Variants in BNC2 observed in about 807,000 individuals in gnomAD.
BNC2 encodes the protein basonuclin zinc finger protein 2.
BNC2 carries 20 observed loss-of-function variants against 76.3 expected under a neutral mutation model. The observed-to-expected ratio is 0.26, with a 90% CI of 0.18 to 0.38. The LOEUF (loss-of-function observed/expected upper bound fraction) is 0.38, where lower values mean the gene tolerates loss of function less well. Among genes scored for constraint, BNC2 ranks in the 10% least tolerant of loss-of-function variants. BNC2 has a pLI of 1.00. For synonymous variants in BNC2, 582 were observed against 514.8 expected (o/e 1.13, Z -1.77); for missense variants, 1,382 against 1,399.8 (o/e 0.99, Z 0.20).
chr9:16,804,617 C>G (rs1463091422), intron 1 of BNC2, among the ~76,000 whole-genome samples: 1 of 152,200 alleles, frequency 6.6e-6, no homozygotes, highest in Non-Finnish European at 1.5e-5. Flanking sequence ...CTCTCCAATT[C>G]CTTAAAAACC....
intron 3 of BNC2, among the ~76,000 whole-genome samples, chr9:16,651,236 T>C (rs1821785839): frequency 6.6e-6 from 1 of 152,236 alleles, no homozygotes; most frequent in East Asian, 1.9e-4. Flanking sequence ...CAGGTAGATA[T>C]TACATCATGT....
chr9:16,434,823 C>A, intron 6 of BNC2: 1 of 456,394 alleles, frequency 2.2e-6, no homozygotes, highest in South Asian at 1.5e-5. Context: ...GCATGCCTCC[C>A]CTTCTGTGCA....
At chr9:16,771,953 T>C (rs1317017310) in intron 1 of BNC2, among the ~76,000 whole-genome samples, 2 of 152,324 alleles carry the variant, frequency 1.3e-5, no homozygotes, top group East Asian at 1.9e-4. Context: ...GCAGGGACTA[T>C]AAATGGAAAA....
At chr9:16,624,395 A>G (rs1820937798) in intron 3 of BNC2, among the ~76,000 whole-genome samples, 1 of 147,494 alleles carries the variant, frequency 6.8e-6, no homozygotes, top group East Asian at 1.9e-4. Context: ...AATATCTGCA[A>G]TTTTAAAGGG....
intron 6 of BNC2, among the ~76,000 whole-genome samples, chr9:16,430,281 T>A (rs973396717): frequency 2.0e-5 from 3 of 152,242 alleles, no homozygotes; most frequent in African/African-American, 7.2e-5. Context: ...AATGGAGACT[T>A]GTAGTTTGAT....
intron 5 of BNC2, among the ~76,000 whole-genome samples, chr9:16,486,930 G>C (rs1028688891): frequency 3.9e-5 from 6 of 152,096 alleles, no homozygotes; most frequent in African/African-American, 1.4e-4. Flanking sequence ...TGCCCAGGCT[G>C]GTCTCTCGGA....
At chr9:16,796,528 C>T (rs929841540) in intron 1 of BNC2, among the ~76,000 whole-genome samples, 7 of 144,234 alleles carry the variant, frequency 4.9e-5, no homozygotes, top group East Asian at 4.1e-4. Context: ...GCCGAGATCA[C>T]GTCAATGCAC....
intron 5 of BNC2, among the ~76,000 whole-genome samples, chr9:16,543,681 T>C (rs888313175): frequency 6.6e-6 from 1 of 152,220 alleles, no homozygotes; most frequent in Non-Finnish European, 1.5e-5. Context: ...TGTCCTTGGA[T>C]CTAAGGTGTT....
intron 1 of BNC2, among the ~76,000 whole-genome samples, chr9:16,797,492 A>G (rs1325487874): frequency 6.6e-6 from 1 of 152,154 alleles, no homozygotes; most frequent in Non-Finnish European, 1.5e-5. Flanking sequence ...AGCACAACAC[A>G]CTAGGAAGTT....
At chr9:16,793,924 G>C (rs541578421) in intron 1 of BNC2, among the ~76,000 whole-genome samples, 2 of 137,726 alleles carry the variant, frequency 1.5e-5, no homozygotes, top group African/African-American at 5.4e-5. Context: ...GGATGGTCTC[G>C]ATCTCCTGAC....
chr9:16,803,779 T>A (rs1286769818), intron 1 of BNC2, among the ~76,000 whole-genome samples: 1 of 152,208 alleles, frequency 6.6e-6, no homozygotes, highest in Non-Finnish European at 1.5e-5. Context: ...TTTTCTCCAG[T>A]TTGCCCTGGC....
chr9:16,527,136 C>G (rs1336742498), intron 5 of BNC2, among the ~76,000 whole-genome samples: 1 of 152,190 alleles, frequency 6.6e-6, no homozygotes, highest in African/African-American at 2.4e-5. Flanking sequence ...AGGACAAGGA[C>G]TGGGGGGCAG....
chr9:16,416,738 G>A lies in BNC2; in HGVS notation c.*2251C>T, dbSNP rs1820591901. 6.6e-6 allele frequency: 1 copy of A among 152,544 alleles called. No homozygotes were observed. The highest frequency in any genetic ancestry group is 1.5e-5 in the Non-Finnish European group (1 of 68,010). The allele number at this position is 152,544 out of a possible 1,614,324, so 9.4% of individuals were successfully genotyped here. ...CCTCTGAAGGAGGTGAAAAGATAAA[G>A]CTCCTAGACATAGCTAGCTTATCTT... On this transcript the variant is annotated 3_prime_UTR_variant, in exon 7 of 7. Coordinates refer to ENST00000380672, the MANE Select transcript of BNC2 (RefSeq NM_017637.6).
chr9:16,828,282 A>C (rs1308956609), intron 1 of BNC2, among the ~76,000 whole-genome samples: 1 of 152,244 alleles, frequency 6.6e-6, no homozygotes, highest in African/African-American at 2.4e-5. Context: ...AGAAATACTG[A>C]TTATATTTTA....
At chr9:16,752,930 G>A (rs1390598353) in intron 1 of BNC2, among the ~76,000 whole-genome samples, 1 of 152,138 alleles carries the variant, frequency 6.6e-6, no homozygotes, top group Non-Finnish European at 1.5e-5. Context: ...TTATGATTCT[G>A]GATGCACAGT....
At chr9:16,419,994 G>C (rs148504108) in intron 6 of BNC2, among the ~76,000 whole-genome samples, 1,541 of 152,230 alleles carry the variant, frequency 0.01, 23 homozygotes, top group African/African-American at 0.035. Context: ...TTTCATGGCA[G>C]AGATTTTAGA....
intron 1 of BNC2, among the ~76,000 whole-genome samples, chr9:16,811,599 C>A (rs1473114890): frequency 6.7e-6 from 1 of 149,506 alleles, no homozygotes; most frequent in African/African-American, 2.5e-5. Context: ...AAATCAAACC[C>A]ATGTGAAGGC....
intron 5 of BNC2, among the ~76,000 whole-genome samples, chr9:16,510,864 C>A (rs1337448030): frequency 6.6e-6 from 1 of 152,166 alleles, no homozygotes; most frequent in Non-Finnish European, 1.5e-5. Flanking sequence ...TGTCTTTAAT[C>A]TGAGTAATGA....
intron 5 of BNC2, among the ~76,000 whole-genome samples, chr9:16,513,703 T>C (rs1345646271): frequency 1.3e-5 from 2 of 152,104 alleles, no homozygotes; most frequent in African/African-American, 2.4e-5. Flanking sequence ...AAGATGCTAG[T>C]TTCATTCAGA....
Sources: allele counts gnomAD v4.1 joint callset (sites outside exome capture counted in the v4.1 genomes callset), GRCh38; gene constraint gnomAD v4.1.1; transcripts MANE v1.5; gene names NCBI Gene and HGNC (gene_info 2026-07-23, HGNC 2026-07-21).